Variants in NSUN2 observed in about 807,000 individuals in gnomAD.
NSUN2 encodes RNA cytosine C(5)-methyltransferase NSUN2.
In NSUN2, 63 loss-of-function variants were observed where a neutral mutation model predicts 92.7. That is an observed-to-expected ratio of 0.68 (90% confidence interval 0.56 to 0.84). The LOEUF (loss-of-function observed/expected upper bound fraction) is 0.84. Among genes scored for constraint, NSUN2 ranks in the 40% least tolerant of loss-of-function variants. The probability of loss-of-function intolerance (pLI) is 0.00; values close to 1 mark genes in which losing one functional copy is unlikely to be tolerated. For missense variants in NSUN2, 989 were observed against 964.9 expected, an observed-to-expected ratio of 1.02 and a Z score of -0.33; for synonymous variants, 356 against 348.3, an observed-to-expected ratio of 1.02 and a Z score of -0.25.
At chr5:6,611,532 T>G (rs1736992662) in intron 10 of NSUN2, among the ~76,000 whole-genome samples, 193 bp downstream of exon 10, 2 of 150,888 alleles carry the variant, frequency 1.3e-5, no homozygotes, top group African/African-American at 4.9e-5. Context: ...AAAAAAACTT[T>G]TCCACTGCCA....
intron 18 of NSUN2, among the ~76,000 whole-genome samples, chr5:6,601,503 C>T (rs1396696621): frequency 1.3e-5 from 2 of 152,098 alleles, no homozygotes; most frequent in East Asian, 1.9e-4. Flanking sequence ...CTGCCCCTCC[C>T]ACCTCAGCCC....
At chr5:6,601,079 A>G (rs368355987) in intron 18 of NSUN2, among the ~76,000 whole-genome samples, 2 of 150,996 alleles carry the variant, frequency 1.3e-5, no homozygotes, top group African/African-American at 4.9e-5. Flanking sequence ...TCACCTTTCC[A>G]TTTTTCCTAA....
chr5:6,611,499 A>T (rs2126482960), intron 10 of NSUN2, among the ~76,000 whole-genome samples: 1 of 148,612 alleles, frequency 6.7e-6, no homozygotes, highest in Middle Eastern at 3.5e-3. Flanking sequence ...AGAGTAAAAG[A>T]GTTTATTTCT....
chr5:6,611,946 G>T, intron 9 of NSUN2, 148 bp from the exon 10 acceptor site: 1 of 680,032 alleles, frequency 1.5e-6, no homozygotes. Flanking sequence ...ACAGAAAGTG[G>T]ATGAGTGGCC....
At chr5:6,603,837 T>C (rs1445438310) in intron 17 of NSUN2, 1 of 275,112 alleles carries the variant, frequency 3.6e-6, no homozygotes, top group Non-Finnish European at 6.8e-6. Context: ...CTCCCCGGAC[T>C]CTCTGGCCCA....
At chr5:6,631,809 T>C (rs1737909773) in intron 3 of NSUN2, 64 bp downstream of exon 3, 15 of 1,217,656 alleles carry the variant, frequency 1.2e-5, no homozygotes, top group Admixed American at 1.9e-5. Context: ...CCAAGAAATA[T>C]AATTCAAGTG....
In NSUN2 at chr5:6,623,218, T is replaced by C; in HGVS notation, c.533A>G (p.His178Arg). 2 of 1,605,460 alleles carry C rather than the reference T, an allele frequency of 1.2e-6. No individual in the cohort carries two copies. Among genetic ancestry groups the C allele is most frequent in the Non-Finnish European group, 1.7e-6 (2 of 1,178,040 alleles). Residue 178 changes from histidine (H) to arginine (R), a missense_variant, in exon 5 of 19, where the codon CAT becomes CGT. Physicochemically the swap from His to Arg is conservative, Grantham distance 29 (BLOSUM62 0). Coordinates refer to ENST00000264670, the MANE Select transcript of NSUN2 (RefSeq NM_017755.6). Reference protein sequence around the residue: ...PPLLLNVRPHHKILDMCAAPG... With the variant: ...PPLLLNVRPHRKILDMCAAPG... ...TTTCTAGTTGCTATATGCTACCTTA[T>C]GATGAGGCCGCACGTTGAGGAGCAG...
chr5:6,632,670 G>A lies in NSUN2; in HGVS notation c.183C>T (p.Gly61=), dbSNP rs753081531. The change falls in exon 2 of 19, where the codon GGC becomes GGT. Residue 61 remains glycine (G), a synonymous_variant. Coordinates refer to ENST00000264670, the MANE Select transcript of NSUN2 (RefSeq NM_017755.6). ...GAGCGTCCATGAACTGGCCCCACTC[G>A]CCCTCGGGCACGATCTTGAGCTCCT... ...YYQELKIVPE[G]EWGQFMDALR... is the part of the protein sequence containing the mutation. 1.2e-6 allele frequency: 2 copies of A among 1,614,110 alleles called. No individual in the cohort carries two copies. Among genetic ancestry groups the A allele is most frequent in the Non-Finnish European group, 8.5e-7 (1 of 1,180,010 alleles).
At chr5:6,624,282 G>A (rs62348980) in intron 4 of NSUN2, among the ~76,000 whole-genome samples, 29,912 of 152,102 alleles carry the variant, frequency 0.2, 3,508 homozygotes, top group East Asian at 0.49. Flanking sequence ...GGGACATCCC[G>A]GCAGACAGTA....
intron 9 of NSUN2, among the ~76,000 whole-genome samples, chr5:6,612,459 C>A (rs116398769): frequency 0.014 from 2,148 of 152,298 alleles, 28 homozygotes; most frequent in Non-Finnish European, 0.023. Flanking sequence ...GCTGTGAAAA[C>A]ACACTGGCCT....
chr5:6,600,687 A>G (rs914932547), intron 18 of NSUN2, among the ~76,000 whole-genome samples: 2 of 151,916 alleles, frequency 1.3e-5, no homozygotes, highest in Non-Finnish European at 2.9e-5. Context: ...GCGTCAGAGC[A>G]GGACCCAGGA....
chr5:6,632,371 G>GA (rs1737954193), intron 2 of NSUN2, among the ~76,000 whole-genome samples: 1 of 152,086 alleles, frequency 6.6e-6, no homozygotes, highest in Admixed American at 6.5e-5. Context: ...CCCAGGAGCC[G>GA]AATCTTCCTC....
In NSUN2 at chr5:6,611,026, G is replaced by C. The variant is rs748243922; in HGVS notation, c.1155C>G (p.His385Gln). ...GGAACATGGTAGGTCGGATCTGGGT[G>C]TGTCTGCTGTGAGGAACAGCGTCCC... Reference protein sequence around the residue: ...TDWDAVPHSRHTQIRPTMFPP... With the variant: ...TDWDAVPHSRQTQIRPTMFPP... Residue 385 changes from histidine (H) to glutamine (Q), a missense_variant, in exon 11 of 19, where the codon CAC becomes CAG. His to Gln is a conservative substitution (Grantham distance 24). Around this residue, in one of 3 missense-constraint regions of NSUN2, gnomAD observed 626 missense variants for 602.3 expected, o/e 1.04. Coordinates refer to ENST00000264670, the MANE Select transcript of NSUN2 (RefSeq NM_017755.6). 3 of 1,614,184 alleles carry C rather than the reference G, an allele frequency of 1.9e-6. No individual in the cohort carries two copies. The East Asian group carries it at 6.7e-5, about 36-fold the overall frequency.
chr5:6,604,626 ACAGT>A lies in NSUN2; in HGVS notation c.1793_1796del (p.Asp598ValfsTer33), dbSNP rs1355938420. The A allele has an allele frequency of 6.8e-6, 11 of 1,614,206 alleles. No homozygotes were observed. Among genetic ancestry groups the A allele is most frequent in the South Asian group, 1.1e-5 (1 of 91,082 alleles). ...TTACCTCCTGTGCCAGCCGGAAAGCACAGTCAAACTCTTCACCGCTGTTATTTCT... is the reference window on the plus strand; with the variant it reads ...TTACCTCCTGTGCCAGCCGGAAAGCACAAACTCTTCACCGCTGTTATTTCT... On this transcript the variant is annotated frameshift_variant, in exon 16 of 19. Transcript: ENST00000264670. LOFTEE classifies it high-confidence loss of function.
intron 12 of NSUN2, among the ~76,000 whole-genome samples, chr5:6,608,421 A>T (rs502272): frequency 0.72 from 109,422 of 152,150 alleles, 40,065 homozygotes; most frequent in African/African-American, 0.86. Flanking sequence ...CCACAACAGA[A>T]CACGGCATCC....
intron 13 of NSUN2, 98 bp downstream of exon 13, chr5:6,607,102 C>G (rs1279121629): frequency 2.3e-6 from 3 of 1,303,018 alleles, no homozygotes; most frequent in Admixed American, 1.7e-5. Context: ...TGTACTGCCC[C>G]CTCAAACCGA....
chr5:6,604,532 C>A, intron 16 of NSUN2, 73 bp downstream of exon 16: 5 of 1,366,652 alleles, frequency 3.7e-6, no homozygotes, highest in Non-Finnish European at 5.2e-6. Flanking sequence ...TCTGGCTGAC[C>A]AGCAAGCCCA....
intron 4 of NSUN2, among the ~76,000 whole-genome samples, chr5:6,624,783 C>A (rs1737582786): frequency 1.3e-5 from 2 of 150,038 alleles, no homozygotes; most frequent in South Asian, 4.2e-4. Context: ...TCTGGTGACA[C>A]ACAGATTTAC....
At chr5:6,616,940 T>C in intron 8 of NSUN2, 83 bp from the exon 9 acceptor site, 1 of 1,245,028 alleles carries the variant, frequency 8.0e-7, no homozygotes, top group Non-Finnish European at 1.1e-6. Flanking sequence ...TGTCACATAT[T>C]CATTACAAGC....
Sources: gnomAD v4.1 joint callset for allele counts (sites outside exome capture counted in the v4.1 genomes callset) on GRCh38, gnomAD v4.1.1 for gene constraint, gnomAD v4.1.1 regional missense constraint, MANE v1.5 for transcripts, NCBI Gene and HGNC (gene_info 2026-07-23, HGNC 2026-07-21) for gene names.